The following COL9A3 variants were observed in gnomAD, a reference collection of about 807,000 sequenced individuals.
COL9A3 encodes collagen type IX alpha 3 chain.
COL9A3 carries 82 observed loss-of-function variants against 110.2 expected under a neutral mutation model. That is an observed-to-expected ratio of 0.74 (90% CI 0.62 to 0.89). The LOEUF (loss-of-function observed/expected upper bound fraction) is 0.89, where lower values mean the gene tolerates loss of function less well. Among genes scored for constraint, COL9A3 ranks in the 40% least tolerant of loss-of-function variants. COL9A3 has a pLI of 0.00. For missense variants in COL9A3, 1,066 were observed against 981.3 expected, an observed-to-expected ratio of 1.09 and a Z score of -1.15; for synonymous variants, 494 against 403.8, an observed-to-expected ratio of 1.22 and a Z score of -2.68.
At chr20:62,818,632 T>TA in intron 3 of COL9A3, 79 bp downstream of exon 3, 1 of 1,436,470 alleles carries the variant, frequency 7.0e-7, no homozygotes, top group East Asian at 2.3e-5. Context: ...GGGTCATTGA[T>TA]ATCCTGTCTC....
chr20:62,819,848 G>A, intron 4 of COL9A3, 81 bp from the exon 5 acceptor site: 4 of 1,496,110 alleles, frequency 2.7e-6, no homozygotes, highest in East Asian at 2.3e-5. Flanking sequence ...CCAAGGGAAG[G>A]GTCCGTGCTT....
chr20:62,824,411 C>T, intron 10 of COL9A3, 34 bp from the exon 11 acceptor site: 1 of 1,579,102 alleles, frequency 6.3e-7, no homozygotes, highest in Non-Finnish European at 8.6e-7. Flanking sequence ...CTCTGTTTGG[C>T]TGGGAGGGGT....
intron 30 of COL9A3, among the ~76,000 whole-genome samples, chr20:62,837,466 T>C (rs1231477009): frequency 1.3e-5 from 2 of 152,246 alleles, no homozygotes; most frequent in Non-Finnish European, 2.9e-5. Flanking sequence ...CATGTGATGT[T>C]TTTCTCAAAT....
chr20:62,820,133 G>A (rs1991071718), intron 5 of COL9A3, 151 bp downstream of exon 5: 1 of 895,076 alleles, frequency 1.1e-6, no homozygotes, highest in Non-Finnish European at 1.8e-6. Context: ...GAAGGGCAGG[G>A]TGCCAAGTGG....
chr20:62,829,057 G>A, intron 19 of COL9A3, 81 bp downstream of exon 19: 1 of 1,457,812 alleles, frequency 6.9e-7, no homozygotes, highest in South Asian at 1.2e-5. Context: ...TGGGTGGGTT[G>A]GTCACTGTAG....
At position 62,821,754 on chromosome 20, in the gene COL9A3, C is replaced by T. The variant is rs373307357; in HGVS notation, c.370-3C>T. On this transcript the variant is annotated splice_polypyrimidine_tract_variant and splice_region_variant and intron_variant, in intron 7 of 31. Coordinates refer to ENST00000649368, the MANE Select transcript of COL9A3 (RefSeq NM_001853.4). The stretch of plus-strand genomic sequence containing the variant: ...CTCCCCACCTCTCTTTACTTCCCTC[C>T]AGGGAGAGGCAGGAGTGAGCGGCCC... 69 of 1,609,954 alleles carry T rather than the reference C, an allele frequency of 4.3e-5. No homozygotes were observed. Among genetic ancestry groups the T allele is most frequent in the Non-Finnish European group, 5.6e-5 (66 of 1,178,598 alleles).
At position 62,837,360 on chromosome 20, in the gene COL9A3, C is replaced by T. The variant is rs2063645101; in HGVS notation, c.1786+95C>T. On this transcript the variant is annotated intron_variant, in intron 30 of 31. Transcript: ENST00000649368. Reference sequence around the variant, plus strand: ...CTGCTTCTGGTGCCTGCCATGCGCCCTCAGGGGTAACCCCTGGAACGTGGG... The same window carrying T: ...CTGCTTCTGGTGCCTGCCATGCGCCTTCAGGGGTAACCCCTGGAACGTGGG... The T allele has an allele frequency of 2.2e-6, 3 of 1,373,416 alleles. No individual in the cohort carries two copies. The African/African-American group carries it at 4.3e-5, about 20-fold the overall frequency. 85.1% of individuals were successfully genotyped at this position (1,373,416 alleles called of 1,614,324 possible).
Position 62,822,159 on chromosome 20 carries a change from C to A in COL9A3, c.472C>A (p.Pro158Thr). 6.4e-7 allele frequency: 1 copy of A among 1,570,528 alleles called. No homozygotes were observed. Among genetic ancestry groups the A allele is most frequent in the Non-Finnish European group, 8.8e-7 (1 of 1,140,944 alleles). Residue 158 changes from proline (P) to threonine (T), a missense_variant, in exon 9 of 32, where the codon CCC becomes ACC. Pro to Thr is a conservative substitution (Grantham distance 38). Coordinates refer to ENST00000649368, the MANE Select transcript of COL9A3 (RefSeq NM_001853.4). ...GLPGPPGPPG[P>T]PGHPGVLPEG... ...CCCTGGTCCCCCAGGACCTCCCGGA[C>A]CCCCTGTAAGTACTGGGCAGAGGCT...
rs986827212 is a variant in COL9A3 at position 62,840,879 on chromosome 20, C to T, written c.*147C>T. The T allele has an allele frequency of 1.2e-6, 1 of 829,394 alleles. No homozygotes were observed. The highest frequency in any genetic ancestry group is 2.0e-6 in the Non-Finnish European group (1 of 509,302). The allele number at this position is 829,394 out of a possible 1,614,324, so 51.4% of individuals were successfully genotyped here. A position where few individuals can be genotyped will look rare whatever the true frequency, so the allele number is the denominator to read the frequency against. On this transcript the variant is annotated 3_prime_UTR_variant, in exon 32 of 32. Coordinates refer to ENST00000649368, the MANE Select transcript of COL9A3 (RefSeq NM_001853.4). Reference sequence around the variant, plus strand: ...CGCCGACTGGACGCGCGGGCCTTGCCAGCGAGCACCCTCATCGGGCTGTCG... The same window carrying T: ...CGCCGACTGGACGCGCGGGCCTTGCTAGCGAGCACCCTCATCGGGCTGTCG...
In COL9A3 at chr20:62,825,037, A is replaced by C; in HGVS notation, c.630+16A>C. The C allele has an allele frequency of 6.3e-7, 1 of 1,599,516 alleles. No individual in the cohort carries two copies. The highest frequency in any genetic ancestry group is 8.5e-7 in the Non-Finnish European group (1 of 1,174,144). The stretch of plus-strand genomic sequence containing the variant: ...CGGCGAGAAGGTGAAGCTGCCGCAC[A>C]GCAGCTGGGGAGGAGCTGGGGACTG... On this transcript the variant is annotated intron_variant, in intron 12 of 31. Transcript: ENST00000649368.
At chr20:62,832,309 C>T (rs1351584590) in intron 25 of COL9A3, 120 bp downstream of exon 25, 3 of 1,015,026 alleles carry the variant, frequency 3.0e-6, no homozygotes, top group Non-Finnish European at 4.6e-6. Context: ...CCTCCTTTCT[C>T]CTCTTGCCGT....
chr20:62,824,686 C>T lies in COL9A3; in HGVS notation c.576+185C>T, dbSNP rs559221718. Reference sequence around the variant, plus strand: ...GCACCCCAGTGACACGCTGATGTGGCCAGGCTGGGACTGGCCATAGGCGTC... The same window carrying T: ...GCACCCCAGTGACACGCTGATGTGGTCAGGCTGGGACTGGCCATAGGCGTC... On this transcript the variant is annotated intron_variant, in intron 11 of 31. Transcript: ENST00000649368. Among the ~76,000 whole-genome samples the T allele has an allele frequency of 1.4e-4, 21 of 152,328 alleles. No individual in the cohort carries two copies. In the East Asian group the frequency reaches 2.1e-3, roughly 15 times the overall value.
chr20:62,819,804 C>A, intron 4 of COL9A3, 125 bp from the exon 5 acceptor site: 1 of 1,051,646 alleles, frequency 9.5e-7, no homozygotes, highest in Non-Finnish European at 1.5e-6. Context: ...AGGAGGCTGC[C>A]ACCCTAAGGG....
At chr20:62,825,789 G>A (rs1164813077) in intron 12 of COL9A3, 28 bp from the exon 13 acceptor site, 9 of 1,550,782 alleles carry the variant, frequency 5.8e-6, no homozygotes, top group African/African-American at 2.7e-5. Flanking sequence ...AGACTGGGCC[G>A]CTGACCACCC....
In COL9A3 at chr20:62,837,162, C is replaced by T. The variant is rs1402122176; in HGVS notation, c.1683C>T (p.Pro561=). 3.1e-6 allele frequency: 5 copies of T among 1,612,852 alleles called. No homozygotes were observed. Among genetic ancestry groups the T allele is most frequent in the Non-Finnish European group, 3.4e-6 (4 of 1,179,832 alleles). ...GSIGRPGPAG[P]PGPPGPPGSI... ...TTGGTCGGCCCGGTCCAGCTGGCCC[C>T]CCTGGGCCCCCAGGACCCCCAGGCT... Residue 561 remains proline (P), a synonymous_variant, in exon 30 of 32, where the codon CCC becomes CCT. Transcript: ENST00000649368.
chr20:62,833,847 C>G (rs1480174974), intron 26 of COL9A3, among the ~76,000 whole-genome samples: 1 of 151,202 alleles, frequency 6.6e-6, no homozygotes, highest in African/African-American at 2.4e-5. Context: ...ATAGGCCCTC[C>G]CACAGTCGAC....
At chr20:62,837,380 C>T (rs1353581999) in intron 30 of COL9A3, 115 bp downstream of exon 30, 56 of 1,111,444 alleles carry the variant, frequency 5.0e-5, no homozygotes, top group Non-Finnish European at 6.3e-5. Flanking sequence ...ACCCCTGGAA[C>T]GTGGGGGCCT....
chr20:62,836,416 G>A (rs1416811422), intron 28 of COL9A3, 62 bp from the exon 29 acceptor site: 26 of 1,613,604 alleles, frequency 1.6e-5, no homozygotes, highest in African/African-American at 2.7e-5. Flanking sequence ...GCGGGGTGAC[G>A]GTGGGAATGC....
At chr20:62,819,789 AAG>A (rs1991058850) in intron 4 of COL9A3, 138 bp from the exon 5 acceptor site, 8 of 926,626 alleles carry the variant, frequency 8.6e-6, no homozygotes, top group Non-Finnish European at 1.4e-5. Flanking sequence ...GGACAGGGCC[AAG>A]AGAGGAGGCT....
Sources: allele counts gnomAD v4.1 joint callset (sites outside exome capture counted in the v4.1 genomes callset), GRCh38; gene constraint gnomAD v4.1.1; transcripts MANE v1.5; gene names NCBI Gene and HGNC (gene_info 2026-07-23, HGNC 2026-07-21).